The following MCM2 variants were observed in gnomAD, a reference collection of about 807,000 sequenced individuals.
MCM2 encodes DNA replication licensing factor MCM2.
A neutral mutation model predicts 86.4 loss-of-function variants in MCM2; 49 were observed. The ratio of observed to expected loss-of-function variants is 0.57; its 90% CI spans 0.45 to 0.72. The LOEUF is 0.72. MCM2 is among the 30% of genes least tolerant of loss of function. The pLI is 0.00. For missense variants in MCM2, 1,038 were observed against 1,259.9 expected (o/e 0.82, Z 2.67); for synonymous variants, 475 against 484.6 (o/e 0.98, Z 0.26).
Position 127,617,545 on chromosome 3 carries a change from C to A in MCM2, c.1900+140C>A. On this transcript the variant is annotated intron_variant, in intron 11 of 15. Coordinates refer to ENST00000265056, the MANE Select transcript of MCM2 (RefSeq NM_004526.4). This position sits in a 1 kb window ranked among gnomAD's most constrained non-coding sequence, Gnocchi z 4.1. Reference sequence around the variant, plus strand: ...CAGAGGGTTCCCCTCTTCTGCATATCCTGCCAGAGTGGGGAACAGTGAAAG... The same window carrying A: ...CAGAGGGTTCCCCTCTTCTGCATATACTGCCAGAGTGGGGAACAGTGAAAG... The A allele has an allele frequency of 1.8e-6, 2 of 1,096,536 alleles. No individual in the cohort carries two copies. Among genetic ancestry groups the A allele is most frequent in the Non-Finnish European group, 2.5e-6 (2 of 788,772 alleles). 67.9% of individuals were successfully genotyped at this position (1,096,536 alleles called of 1,614,324 possible). A position where few individuals can be genotyped will look rare whatever the true frequency, so the allele number is the denominator to read the frequency against.
At chr3:127,610,785 TC>T in intron 8 of MCM2, 1 of 456,700 alleles carries the variant, frequency 2.2e-6, no homozygotes, top group Middle Eastern at 3.3e-4. Flanking sequence ...TCAGGAAAGC[TC>T]CAGAAATGCA....
At chr3:127,610,033 CAG>C (rs539941127) in intron 8 of MCM2, among the ~76,000 whole-genome samples, 2 of 151,504 alleles carry the variant, frequency 1.3e-5, no homozygotes, top group African/African-American at 2.4e-5. Flanking sequence ...TTAGTAGAGA[CAG>C]ATTTCACCAT....
rs1044959034 is a variant in MCM2 at position 127,617,111 on chromosome 3, T to A, written c.1766T>A (p.Phe589Tyr). ...CGAGGAGTGTGTCTCATTGATGAAT[T>A]TGACAAGGTGGGTCCCTGGGTCACG... ...ADRGVCLIDE[F>Y]DKMNDQDRTS... Residue 589 changes from phenylalanine (F) to tyrosine (Y), a missense_variant, in exon 10 of 16, where the codon TTT becomes TAT. Transcript: ENST00000265056. The surrounding 1 kb of genome is among the most constrained non-coding windows in gnomAD (Gnocchi z 4.1). The A allele has an allele frequency of 6.2e-7, 1 of 1,613,196 alleles. No homozygotes were observed. The highest frequency in any genetic ancestry group is 8.5e-7 in the Non-Finnish European group (1 of 1,179,370).
At position 127,621,991 on chromosome 3, in the gene MCM2, T is replaced by TA; in HGVS notation, c.*219dup. ...GGTGGGATGCCTTGCCAGTGTGTCT[T>TA]ACTTGGTTGCTGAACATCTTGCCAC... On this transcript the variant is annotated 3_prime_UTR_variant, in exon 16 of 16. Coordinates refer to ENST00000265056, the MANE Select transcript of MCM2 (RefSeq NM_004526.4). 2 of 509,838 alleles carry TA rather than the reference T, an allele frequency of 3.9e-6. No individual in the cohort carries two copies. The highest frequency in any genetic ancestry group is 4.7e-5 in the South Asian group (2 of 42,582). 31.6% of individuals were successfully genotyped at this position (509,838 alleles called of 1,614,324 possible).
At chr3:127,605,394 A>C (rs2074339111) in intron 4 of MCM2, among the ~76,000 whole-genome samples, 1 of 150,490 alleles carries the variant, frequency 6.6e-6, no homozygotes, top group Non-Finnish European at 1.5e-5. Context: ...TTATATAAAA[A>C]TCTGGATTAC....
intron 8 of MCM2, among the ~76,000 whole-genome samples, chr3:127,615,096 A>G (rs999399379): frequency 2.0e-5 from 3 of 152,152 alleles, no homozygotes; most frequent in African/African-American, 7.2e-5. Flanking sequence ...TTCCTGCCTT[A>G]GTCCCCTCTC....
chr3:127,598,434 T>TG lies in MCM2; in HGVS notation c.-32dup. On this transcript the variant is annotated 5_prime_UTR_variant, in exon 1 of 16. Transcript: ENST00000265056. ...CACTTTTCGCGCGAAACCTGGTTGTTGCTGTAGTGGCGGAGAGGATCGTGG... is the reference window on the plus strand; with the variant it reads ...CACTTTTCGCGCGAAACCTGGTTGTTGGCTGTAGTGGCGGAGAGGATCGTGG... The TG allele has an allele frequency of 6.2e-7, 1 of 1,613,482 alleles. No homozygotes were observed.
rs17496972 is a variant in MCM2 at position 127,608,604 on chromosome 3, G to A, written c.1236+88G>A. 157 of 1,531,122 alleles carry A rather than the reference G, an allele frequency of 1.0e-4. 1 individual carries two copies. In the South Asian group the frequency reaches 1.7e-3, roughly 17 times the overall value. The allele number at this position is 1,531,122 out of a possible 1,614,324, so 94.8% of individuals were successfully genotyped here. The stretch of plus-strand genomic sequence containing the variant: ...TGGCTGGGCCGGTGGCGGTGTCTAT[G>A]GTCGCAGGGGCACTCGGGCTAGGAT... On this transcript the variant is annotated intron_variant, in intron 7 of 15. Coordinates refer to ENST00000265056, the MANE Select transcript of MCM2 (RefSeq NM_004526.4).
chr3:127,618,027 C>T lies in MCM2; in HGVS notation c.1959C>T (p.Ile653=). ...AGAACGTGGACCTCACAGAGCCCAT[C>T]ATCTCACGCTTTGACATCCTGTGTG... ...FSENVDLTEP[I]ISRFDILCVV... is the part of the protein sequence containing the mutation. The change falls in exon 12 of 16, where the codon ATC becomes ATT. Residue 653 remains isoleucine, a synonymous_variant. Transcript: ENST00000265056. This position sits in a 1 kb window ranked among gnomAD's most constrained non-coding sequence, Gnocchi z 4.0. The T allele has an allele frequency of 1.2e-6, 2 of 1,614,160 alleles. No homozygotes were observed. Among genetic ancestry groups the T allele is most frequent in the Non-Finnish European group, 1.7e-6 (2 of 1,180,028 alleles).
chr3:127,619,354 G>T, intron 13 of MCM2, 76 bp downstream of exon 13: 2 of 1,540,696 alleles, frequency 1.3e-6, no homozygotes, highest in South Asian at 1.2e-5. Context: ...CAATGCAGCG[G>T]GGGTGGTGGT....
At position 127,599,390 on chromosome 3, in the gene MCM2, A is replaced by G. The variant is rs1359617924; in HGVS notation, c.79A>G (p.Ser27Gly). ...RRRGNDPLTSSPGRSSRRTDA... is the reference protein window; with the variant it reads ...RRRGNDPLTSGPGRSSRRTDA... Reference sequence around the variant, plus strand: ...GCGAGGCAATGATCCTCTCACCTCCAGCCCTGGCCGAAGCTCCCGGCGTAC... The same window carrying G: ...GCGAGGCAATGATCCTCTCACCTCCGGCCCTGGCCGAAGCTCCCGGCGTAC... Residue 27 changes from serine to glycine, a missense_variant, in exon 2 of 16, where the codon AGC becomes GGC. Transcript: ENST00000265056. The G allele has an allele frequency of 1.2e-6, 2 of 1,614,180 alleles. No homozygotes were observed. Among genetic ancestry groups the G allele is most frequent in the East Asian group, 2.2e-5 (1 of 44,890 alleles).
In MCM2 at chr3:127,606,834, G is replaced by C. The variant is rs2074355672; in HGVS notation, c.1101+17G>C. 1 of 1,613,426 alleles carries C rather than the reference G, an allele frequency of 6.2e-7. No individual in the cohort carries two copies. ...ATGGAGGAGGTGAGAGAGGACACAAGGTCTGCTGCCAGCTGTCCTTAGGGG... is the reference window on the plus strand; with the variant it reads ...ATGGAGGAGGTGAGAGAGGACACAACGTCTGCTGCCAGCTGTCCTTAGGGG... On this transcript the variant is annotated intron_variant, in intron 6 of 15. Transcript: ENST00000265056. This position sits in a 1 kb window ranked among gnomAD's most constrained non-coding sequence, Gnocchi z 4.2.
In MCM2 at chr3:127,617,070, C is replaced by T. The variant is rs1180269992; in HGVS notation, c.1725C>T (p.Ala575=). The T allele has an allele frequency of 6.2e-7, 1 of 1,614,142 alleles. No individual in the cohort carries two copies. Among genetic ancestry groups the T allele is most frequent in the Non-Finnish European group, 8.5e-7 (1 of 1,180,020 alleles). The part of the protein sequence containing the change: ...VSREWTLEAG[A]LVLADRGVCL... ...GGGAGTGGACCTTGGAGGCTGGGGCCCTGGTTCTGGCTGACCGAGGAGTGT... is the reference window on the plus strand; with the variant it reads ...GGGAGTGGACCTTGGAGGCTGGGGCTCTGGTTCTGGCTGACCGAGGAGTGT... The change falls in exon 10 of 16, where the codon GCC becomes GCT. Residue 575 remains alanine (A), a synonymous_variant. Transcript: ENST00000265056. The surrounding 1 kb of genome is among the most constrained non-coding windows in gnomAD (Gnocchi z 4.1).
intron 2 of MCM2, chr3:127,604,387 C>T (rs1001437878): frequency 2.0e-6 from 1 of 507,284 alleles, no homozygotes; most frequent in African/African-American, 1.9e-5. Context: ...GCAGAATTTC[C>T]TTCTATTTTA....
chr3:127,606,502 C>T lies in MCM2; in HGVS notation c.894-108C>T, dbSNP rs1039235706. The T allele has an allele frequency of 1.4e-5, 18 of 1,248,122 alleles. No homozygotes were observed. The highest frequency in any genetic ancestry group is 1.7e-5 in the Non-Finnish European group (15 of 879,744). The allele number at this position is 1,248,122 out of a possible 1,614,324, so 77.3% of individuals were successfully genotyped here. A position where few individuals can be genotyped will look rare whatever the true frequency, so the allele number is the denominator to read the frequency against. Reference sequence around the variant, plus strand: ...AGGAGTGTGATGGGAGGGATCTTCCCGGGCTGGGGGCTGGGCCCAATTTCC... The same window carrying T: ...AGGAGTGTGATGGGAGGGATCTTCCTGGGCTGGGGGCTGGGCCCAATTTCC... On this transcript the variant is annotated intron_variant, in intron 5 of 15. Transcript: ENST00000265056. The surrounding 1 kb of genome is among the most constrained non-coding windows in gnomAD (Gnocchi z 4.2).
chr3:127,601,136 C>A (rs1372561416), intron 2 of MCM2, among the ~76,000 whole-genome samples: 1 of 152,142 alleles, frequency 6.6e-6, no homozygotes, highest in Non-Finnish European at 1.5e-5. Flanking sequence ...TAAATTGAAT[C>A]ATATTATATA....
chr3:127,617,049 G>A lies in MCM2; in HGVS notation c.1704G>A (p.Glu568=). The A allele has an allele frequency of 6.2e-7, 1 of 1,614,254 alleles. No homozygotes were observed. The highest frequency in any genetic ancestry group is 8.5e-7 in the Non-Finnish European group (1 of 1,180,048). The change falls in exon 10 of 16, where the codon GAG becomes GAA. Residue 568 remains glutamate, a synonymous_variant. Transcript: ENST00000265056. This position sits in a 1 kb window ranked among gnomAD's most constrained non-coding sequence, Gnocchi z 4.1. Reference sequence around the variant, plus strand: ...TCCAGCGGCACCCTGTCAGCAGGGAGTGGACCTTGGAGGCTGGGGCCCTGG... The same window carrying A: ...TCCAGCGGCACCCTGTCAGCAGGGAATGGACCTTGGAGGCTGGGGCCCTGG... ...AYVQRHPVSR[E]WTLEAGALVL...
Position 127,606,251 on chromosome 3 carries a change from C to T in MCM2, c.807C>T (p.Ala269=). 6.2e-7 allele frequency: 1 copy of T among 1,614,214 alleles called. No homozygotes were observed. The highest frequency in any genetic ancestry group is 1.1e-5 in the South Asian group (1 of 91,080). ...FDEAALEVVL[A]MYPKYDRITN... ...AGGCTGCCCTGGAGGTGGTACTGGC[C>T]ATGTACCCCAAGTACGACCGCATCA... The change falls in exon 5 of 16, where the codon GCC becomes GCT. Residue 269 remains alanine (A), a synonymous_variant. Transcript: ENST00000265056. This position sits in a 1 kb window ranked among gnomAD's most constrained non-coding sequence, Gnocchi z 4.2.
At position 127,605,076 on chromosome 3, in the gene MCM2, G is replaced by A. The variant is rs376214773; in HGVS notation, c.593G>A (p.Arg198His). Residue 198 changes from arginine (R) to histidine (H), a missense_variant, in exon 4 of 16, where the codon CGC becomes CAC. Coordinates refer to ENST00000265056, the MANE Select transcript of MCM2 (RefSeq NM_004526.4). ...MAGPRLEIHH[R>H]FKNFLRTHVD... ...GGCCCCCGGCTGGAGATCCACCACC[G>A]CTTCAAGAACTTCCTGCGCACTCAC... 22 of 1,613,988 alleles carry A rather than the reference G, an allele frequency of 1.4e-5. No individual in the cohort carries two copies. The highest frequency in any genetic ancestry group is 4.5e-5 in the East Asian group (2 of 44,890).
Sources: gnomAD v4.1 joint callset for allele counts (sites outside exome capture counted in the v4.1 genomes callset) on GRCh38, gnomAD v4.1.1 for gene constraint, Gnocchi (gnomAD v3.1) non-coding constraint, MANE v1.5 for transcripts, NCBI Gene and HGNC (gene_info 2026-07-23, HGNC 2026-07-21) for gene names.